Variants in PCDHA9 observed in about 807,000 individuals in gnomAD.
PCDHA9 encodes protocadherin alpha 9.
PCDHA9 carries 62 observed loss-of-function variants against 62.0 expected under a neutral mutation model. The ratio of observed to expected loss-of-function variants is 1.00; its 90% CI spans 0.81 to 1.23. PCDHA9 has a LOEUF of 1.23. PCDHA9 is among the 50% of genes most tolerant of loss of function. The pLI, the probability that PCDHA9 is intolerant of heterozygous loss-of-function variation, is 0.00. For missense variants in PCDHA9, 1,205 were observed against 1,249.8 expected (o/e 0.96, Z 0.54); for synonymous variants, 557 against 567.6 (o/e 0.98, Z 0.27).
intron 1 of PCDHA9, among the ~76,000 whole-genome samples, chr5:140,872,240 T>A (rs2053559781): frequency 6.6e-6 from 1 of 152,178 alleles, no homozygotes; most frequent in Non-Finnish European, 1.5e-5. Flanking sequence ...TTGTCTTTAT[T>A]CCTGTGATAA....
At chr5:140,888,426 C>G (rs1315110358) in intron 1 of PCDHA9, among the ~76,000 whole-genome samples, 1 of 152,168 alleles carries the variant, frequency 6.6e-6, no homozygotes, top group Non-Finnish European at 1.5e-5. Flanking sequence ...CTACCGTGCA[C>G]AGGACAGCCG....
chr5:140,897,722 T>A (rs1236534951), intron 1 of PCDHA9, among the ~76,000 whole-genome samples: 1 of 152,162 alleles, frequency 6.6e-6, no homozygotes, highest in African/African-American at 2.4e-5. Flanking sequence ...GATGGCTGGG[T>A]CAAATAGTAT....
At chr5:140,915,646 C>A (rs2077236708) in intron 1 of PCDHA9, among the ~76,000 whole-genome samples, 1 of 151,916 alleles carries the variant, frequency 6.6e-6, no homozygotes, top group Non-Finnish European at 1.5e-5. Flanking sequence ...CTCTCTCTCT[C>A]TCTCTCTCTC....
chr5:140,951,793 C>G (rs536005204), intron 1 of PCDHA9, among the ~76,000 whole-genome samples: 1 of 152,126 alleles, frequency 6.6e-6, no homozygotes, highest in African/African-American at 2.4e-5. Flanking sequence ...ATACAATTAT[C>G]CCTTCCCAAT....
chr5:140,976,037 T>C (rs1466922826), intron 1 of PCDHA9, among the ~76,000 whole-genome samples: 1 of 152,200 alleles, frequency 6.6e-6, no homozygotes, highest in Non-Finnish European at 1.5e-5. Context: ...ATTTCAACTG[T>C]GATTGAAATT....
At chr5:140,853,460 T>C in intron 1 of PCDHA9, 2 of 974,384 alleles carry the variant, frequency 2.1e-6, no homozygotes, top group Non-Finnish European at 2.5e-6. Flanking sequence ...TCTCCTTATA[T>C]GCATCTGTAG....
intron 1 of PCDHA9, chr5:140,930,529 C>T (rs1175564392): frequency 6.6e-6 from 1 of 152,500 alleles, no homozygotes; most frequent in African/African-American, 2.4e-5. Flanking sequence ...GGCCCTCAAA[C>T]TTCTTGAGTG....
intron 1 of PCDHA9, among the ~76,000 whole-genome samples, chr5:140,916,761 G>A (rs1391817856): frequency 2.0e-5 from 3 of 152,306 alleles, no homozygotes; most frequent in South Asian, 2.1e-4. Flanking sequence ...TTAGGGGAGG[G>A]GTGGCACAAG....
intron 1 of PCDHA9, among the ~76,000 whole-genome samples, chr5:140,954,580 T>C (rs1193569920): frequency 1.3e-5 from 2 of 152,174 alleles, no homozygotes; most frequent in African/African-American, 4.8e-5. Flanking sequence ...TTTTCAGAAG[T>C]GTCTGTTCAT....
At chr5:140,928,326 C>T (rs1554205788) in intron 1 of PCDHA9, 1 of 1,614,162 alleles carries the variant, frequency 6.2e-7, no homozygotes, top group Non-Finnish European at 8.5e-7. Context: ...GGAAGAATGG[C>T]CTTGTCTCTT....
chr5:140,917,030 G>A (rs1220107705), intron 1 of PCDHA9, among the ~76,000 whole-genome samples: 3 of 152,164 alleles, frequency 2.0e-5, no homozygotes, highest in Non-Finnish European at 4.4e-5. Context: ...GCTGCTGGCT[G>A]AGTCCAGCAC....
At chr5:140,924,987 TC>T (rs1458982480) in intron 1 of PCDHA9, among the ~76,000 whole-genome samples, 4 of 151,232 alleles carry the variant, frequency 2.6e-5, no homozygotes, top group Admixed American at 6.6e-5. Context: ...ATGTCTGTAA[TC>T]CTAGCACTTT....
chr5:140,982,765 C>T (rs1345701735), intron 3 of PCDHA9, among the ~76,000 whole-genome samples: 2 of 151,722 alleles, frequency 1.3e-5, no homozygotes, highest in African/African-American at 2.4e-5. Flanking sequence ...AAAAGGATAA[C>T]AAGGAAAGTG....
intron 1 of PCDHA9, among the ~76,000 whole-genome samples, chr5:140,906,070 C>T (rs1257687877): frequency 1.3e-5 from 2 of 152,162 alleles, no homozygotes; most frequent in South Asian, 2.1e-4. Flanking sequence ...CTGATTAGAT[C>T]GCACCCACCC....
At chr5:140,911,030 C>A (rs995736934) in intron 1 of PCDHA9, among the ~76,000 whole-genome samples, 1 of 152,066 alleles carries the variant, frequency 6.6e-6, no homozygotes, top group East Asian at 1.9e-4. Context: ...AGTTATAGGT[C>A]TAGAAGCAAA....
At chr5:140,853,743 T>C (rs1258118631) in intron 1 of PCDHA9, 2 of 988,454 alleles carry the variant, frequency 2.0e-6, no homozygotes, top group African/African-American at 1.8e-5. Context: ...AATGTTCTGG[T>C]TCAAGGCTCC....
chr5:140,862,622 G>T (rs2047457580), intron 1 of PCDHA9: 8 of 530,260 alleles, frequency 1.5e-5, no homozygotes, highest in South Asian at 1.1e-4. Context: ...AACAACCCGC[G>T]GGGCTGCCAC....
intron 1 of PCDHA9, among the ~76,000 whole-genome samples, chr5:140,952,166 G>A (rs2094699360): frequency 6.6e-6 from 1 of 152,072 alleles, no homozygotes; most frequent in African/African-American, 2.4e-5. Flanking sequence ...GTGGGGTTCA[G>A]TTCCTGCAGC....
intron 1 of PCDHA9, chr5:140,852,877 T>G: frequency 1.1e-6 from 1 of 942,140 alleles, no homozygotes; most frequent in Non-Finnish European, 1.3e-6. Flanking sequence ...TCAATAATCA[T>G]AAAACGTATT....
Sources: allele counts gnomAD v4.1 joint callset (sites outside exome capture counted in the v4.1 genomes callset), GRCh38; gene constraint gnomAD v4.1.1; transcripts MANE v1.5; gene names NCBI Gene and HGNC (gene_info 2026-07-23, HGNC 2026-07-21).